Variants in BRAF observed in about 807,000 individuals in gnomAD.
The protein encoded by BRAF is serine/threonine-protein kinase B-raf.
BRAF carries 16 observed loss-of-function variants against 104.6 expected under a neutral mutation model. The ratio of observed to expected loss-of-function variants is 0.15; its 90% CI spans 0.10 to 0.23. The LOEUF is 0.23. BRAF is among the 10% of genes least tolerant of loss of function. The pLI is 1.00. For synonymous variants in BRAF, 310 were observed against 341.6 expected (o/e 0.91, Z 1.02); for missense variants, 541 against 937.3 (o/e 0.58, Z 5.52).
intron 16 of BRAF, among the ~76,000 whole-genome samples, chr7:140,751,483 AATT>A (rs1349366651): frequency 6.6e-6 from 1 of 152,156 alleles, no homozygotes; most frequent in African/African-American, 2.4e-5. Flanking sequence ...TATCACTTAT[AATT>A]ATTAATTAAA....
At position 140,719,364 on chromosome 7, in the gene BRAF, G is replaced by A. The variant is rs565779474; in HGVS notation, c.*7130C>T. ...CATGCAGTCAATCTTTATTATAGCA[G>A]TATTCGCATATTCACATCAAGTACA... On this transcript the variant is annotated 3_prime_UTR_variant, in exon 20 of 20. Transcript: ENST00000644969. The A allele has an allele frequency of 1.0e-5, 10 of 999,632 alleles. No homozygotes were observed. In the East Asian group the frequency reaches 5.3e-4, roughly 52 times the overall value. The allele number at this position is 999,632 out of a possible 1,614,324, so 61.9% of individuals were successfully genotyped here.
intron 16 of BRAF, among the ~76,000 whole-genome samples, chr7:140,751,631 C>T (rs1008755879): frequency 2.0e-5 from 3 of 152,158 alleles, no homozygotes; most frequent in Non-Finnish European, 4.4e-5. Flanking sequence ...AAGAAACTTG[C>T]AGGTTAATGG....
At position 140,832,333 on chromosome 7, in the gene BRAF, T is replaced by C. The variant is rs1275380953; in HGVS notation, c.504+2276A>G. Among the ~76,000 whole-genome samples, 2 of 152,222 alleles carry C rather than the reference T, an allele frequency of 1.3e-5. 1 individual carries two copies. Among genetic ancestry groups the C allele is most frequent in the African/African-American group, 4.8e-5 (2 of 41,470 alleles). On this transcript the variant is annotated intron_variant, in intron 3 of 19. Coordinates refer to ENST00000644969, the MANE Select transcript of BRAF (RefSeq NM_001374258.1). ...ATGTATTTTGATAGAGGAACTGTCATTCACTACCACAAACAATTTTACTTA... is the reference window on the plus strand; with the variant it reads ...ATGTATTTTGATAGAGGAACTGTCACTCACTACCACAAACAATTTTACTTA...
At chr7:140,735,449 A>G (rs1283983205) in intron 18 of BRAF, among the ~76,000 whole-genome samples, 1 of 152,268 alleles carries the variant, frequency 6.6e-6, no homozygotes, top group East Asian at 1.9e-4. Flanking sequence ...GCATGTTCAT[A>G]ATCATGAAAC....
At chr7:140,824,057 G>A (rs927446408) in intron 3 of BRAF, 1 of 152,228 alleles carries the variant, frequency 6.6e-6, no homozygotes, top group African/African-American at 2.4e-5. Flanking sequence ...CCCCTTATCA[G>A]ATACAAGATT....
At chr7:140,853,978 A>T (rs1809490350) in intron 1 of BRAF, among the ~76,000 whole-genome samples, 1 of 152,136 alleles carries the variant, frequency 6.6e-6, no homozygotes, top group African/African-American at 2.4e-5. Context: ...AAAAAAATGA[A>T]TACTTTATTT....
At chr7:140,893,749 G>C (rs373562767) in intron 1 of BRAF, among the ~76,000 whole-genome samples, 4 of 152,230 alleles carry the variant, frequency 2.6e-5, no homozygotes, top group African/African-American at 9.6e-5. Flanking sequence ...ATAAACACCA[G>C]AAGTTAGTCA....
chr7:140,913,085 C>T (rs932361411), intron 1 of BRAF, among the ~76,000 whole-genome samples: 1 of 152,056 alleles, frequency 6.6e-6, no homozygotes, highest in Admixed American at 6.6e-5. Context: ...TGTTCAAATA[C>T]CCCCTTCTCA....
intron 17 of BRAF, among the ~76,000 whole-genome samples, chr7:140,741,970 T>A (rs896150401): frequency 6.6e-6 from 1 of 150,990 alleles, no homozygotes; most frequent in African/African-American, 2.4e-5. Context: ...AAAAAAAAAA[T>A]TCTTAAAAAA....
chr7:140,924,604 C>A lies in BRAF; in HGVS notation c.100G>T (p.Ala34Ser), dbSNP rs2129153220. ...GCAGGGTCCGCAGCCGAAGAGGCCGCGGCGCCGGCGCCGGCGCCGGCCTCG... is the reference window on the plus strand; with the variant it reads ...GCAGGGTCCGCAGCCGAAGAGGCCGAGGCGCCGGCGCCGGCGCCGGCCTCG... ...EPEAGAGAGAAASSAADPAIP... is the reference protein window; with the variant it reads ...EPEAGAGAGASASSAADPAIP... Residue 34 changes from alanine to serine, a missense_variant, in exon 1 of 20, where the codon GCG (alanine) becomes TCG (serine). This residue lies in a region of BRAF where 82 missense variants were observed against 65.9 expected (regional missense o/e 1.24). Transcript: ENST00000644969. The surrounding 1 kb of genome is among the most constrained non-coding windows in gnomAD (Gnocchi z 4.2). The A allele has an allele frequency of 6.6e-7, 1 of 1,523,642 alleles. No individual in the cohort carries two copies. The highest frequency in any genetic ancestry group is 8.8e-7 in the Non-Finnish European group (1 of 1,140,916). The allele number at this position is 1,523,642 out of a possible 1,614,324, so 94.4% of individuals were successfully genotyped here.
intron 1 of BRAF, among the ~76,000 whole-genome samples, chr7:140,855,189 A>G (rs959578895): frequency 2.0e-5 from 3 of 152,184 alleles, no homozygotes; most frequent in Non-Finnish European, 4.4e-5. Flanking sequence ...GATATATTAA[A>G]AAGTAGAATA....
chr7:140,801,633 C>A, intron 5 of BRAF, 73 bp from the exon 6 acceptor site: 1 of 1,447,104 alleles, frequency 6.9e-7, no homozygotes, highest in Non-Finnish European at 9.5e-7. Context: ...TATCTACTCT[C>A]TTGTTTAAAA....
intron 14 of BRAF, among the ~76,000 whole-genome samples, chr7:140,757,879 C>T (rs1798337138): frequency 2.0e-5 from 3 of 152,166 alleles, no homozygotes; most frequent in African/African-American, 7.2e-5. Flanking sequence ...GATCATTCAT[C>T]CAGTATGAAC....
At chr7:140,847,774 A>G (rs1398131515) in intron 2 of BRAF, among the ~76,000 whole-genome samples, 1 of 152,200 alleles carries the variant, frequency 6.6e-6, no homozygotes, top group African/African-American at 2.4e-5. Context: ...GGGTATAAGA[A>G]GGCTGGATAT....
intron 1 of BRAF, among the ~76,000 whole-genome samples, chr7:140,917,638 T>C (rs150593140): frequency 1.4e-4 from 21 of 152,316 alleles, no homozygotes; most frequent in Non-Finnish European, 2.6e-4. Flanking sequence ...ACAAAAGCAA[T>C]TATGAACTTT....
intron 19 of BRAF, among the ~76,000 whole-genome samples, chr7:140,728,566 T>C (rs1172700892): frequency 6.6e-6 from 1 of 151,010 alleles, no homozygotes; most frequent in African/African-American, 2.4e-5. Flanking sequence ...AAAAAAAGGC[T>C]AAATTAAATT....
intron 1 of BRAF, among the ~76,000 whole-genome samples, chr7:140,885,269 C>T (rs1353727913): frequency 6.6e-6 from 1 of 152,024 alleles, no homozygotes; most frequent in Non-Finnish European, 1.5e-5. Context: ...TCCCAGAGTG[C>T]TGGGATTACA....
intron 1 of BRAF, among the ~76,000 whole-genome samples, chr7:140,920,293 G>A (rs1206673390): frequency 6.6e-6 from 1 of 152,158 alleles, no homozygotes; most frequent in Non-Finnish European, 1.5e-5. Context: ...AGTTCTGAAA[G>A]AGAAAACAAT....
chr7:140,754,457 TAA>T (rs1398539922), intron 14 of BRAF, among the ~76,000 whole-genome samples: 1 of 152,326 alleles, frequency 6.6e-6, no homozygotes, highest in East Asian at 1.9e-4. Flanking sequence ...TGTTTTCTAT[TAA>T]AAGACTTTGC....
Sources: allele counts gnomAD v4.1 joint callset (sites outside exome capture counted in the v4.1 genomes callset), GRCh38; gene constraint gnomAD v4.1.1; regional missense constraint gnomAD v4.1.1; non-coding constraint Gnocchi (gnomAD v3.1); transcripts MANE v1.5; gene names NCBI Gene and HGNC (gene_info 2026-07-23, HGNC 2026-07-21).